The following USP12 variants were observed in gnomAD, a reference collection of about 807,000 sequenced individuals.
The protein encoded by USP12 is ubiquitin carboxyl-terminal hydrolase 12.
In USP12, 19 loss-of-function variants were observed where a neutral mutation model predicts 45.5. The ratio of observed to expected loss-of-function variants is 0.42; its 90% CI spans 0.29 to 0.61. The LOEUF (loss-of-function observed/expected upper bound fraction) is 0.61. USP12 is among the 20% of genes least tolerant of loss of function. The probability of loss-of-function intolerance (pLI) is 0.22; values close to 1 mark genes in which losing one functional copy is unlikely to be tolerated. For synonymous variants in USP12, 149 were observed against 148.8 expected, an observed-to-expected ratio of 1.00 and a Z score of -0.01; for missense variants, 242 against 447.7, an observed-to-expected ratio of 0.54 and a Z score of 4.15.
Position 27,106,082 on chromosome 13 carries a change from T to C in USP12, c.130-138A>G, listed in dbSNP as rs116478935. 8.4e-4 allele frequency: 571 copies of C among 682,940 alleles called. 4 individuals are homozygous for C. In the African/African-American group the frequency reaches 9.0e-3, roughly 11 times the overall value. 42.3% of individuals were successfully genotyped at this position (682,940 alleles called of 1,614,324 possible). ...CTATAACACTGACTGCATTATATTA[T>C]ACATTTTAAAATACAACTCTCAAAA... On this transcript the variant is annotated intron_variant, in intron 2 of 8. Coordinates refer to ENST00000282344, the MANE Select transcript of USP12 (RefSeq NM_182488.4).
At chr13:27,086,876 A>C (rs1308557175) in intron 6 of USP12, among the ~76,000 whole-genome samples, 1 of 152,206 alleles carries the variant, frequency 6.6e-6, no homozygotes, top group African/African-American at 2.4e-5. Context: ...ATATGCACTA[A>C]TGGACAGAAA....
intron 1 of USP12, among the ~76,000 whole-genome samples, chr13:27,139,772 C>A (rs1358617025): frequency 6.6e-6 from 1 of 152,170 alleles, no homozygotes; most frequent in Non-Finnish European, 1.5e-5. Context: ...CTCACCTAGA[C>A]TGATTCACAT....
In USP12 at chr13:27,069,438, T is replaced by C. The variant is rs1873138048; in HGVS notation, c.1012-54A>G. On this transcript the variant is annotated intron_variant, in intron 8 of 8. Coordinates refer to ENST00000282344, the MANE Select transcript of USP12 (RefSeq NM_182488.4). ...ATAAATGAGCTCTGTACAGCCAGAA[T>C]GGCTTAAATTTAAAAGACTGACAAT... 32 of 1,321,304 alleles carry C rather than the reference T, an allele frequency of 2.4e-5. No individual in the cohort carries two copies. In the South Asian group the frequency reaches 3.8e-4, roughly 16 times the overall value. 81.8% of individuals were successfully genotyped at this position (1,321,304 alleles called of 1,614,324 possible).
intron 1 of USP12, among the ~76,000 whole-genome samples, chr13:27,164,452 G>T (rs186830144): frequency 1.3e-5 from 2 of 152,212 alleles, no homozygotes; most frequent in Non-Finnish European, 2.9e-5. Flanking sequence ...TGAAAGAGAA[G>T]CAGCAGCAAA....
intron 3 of USP12, among the ~76,000 whole-genome samples, chr13:27,104,041 CT>C (rs979518969): frequency 6.6e-6 from 1 of 150,676 alleles, no homozygotes. Flanking sequence ...CTTCTGAACT[CT>C]TTTTTTTTAG....
intron 1 of USP12, among the ~76,000 whole-genome samples, chr13:27,160,429 T>G (rs1878051579): frequency 6.9e-6 from 1 of 145,886 alleles, no homozygotes; most frequent in South Asian, 2.1e-4. Flanking sequence ...CTCCTCAAAT[T>G]GAAAAAAAAA....
chr13:27,075,263 A>C lies in USP12; in HGVS notation c.860T>G (p.Phe287Cys). 1 of 1,614,086 alleles carries C rather than the reference A, an allele frequency of 6.2e-7. No homozygotes were observed. The highest frequency in any genetic ancestry group is 8.5e-7 in the Non-Finnish European group (1 of 1,179,948). Residue 287 changes from phenylalanine (F) to cysteine (C), a missense_variant, in exon 7 of 9, where the codon TTT becomes TGT. By Grantham distance (205) the Phe-to-Cys change is radical. Around this residue, in one of 5 missense-constraint regions of USP12, gnomAD observed 94 missense variants for 168.3 expected, o/e 0.56. Transcript: ENST00000282344. ...RVVFPLELRL[F>C]NTSGDATNPD... ...ATTGGTGGCATCACCTGAAGTGTTA[A>C]ACAGACGAAGTTCTAAAGGAAAAAC...
At chr13:27,116,327 A>AG (rs1464838583) in intron 2 of USP12, among the ~76,000 whole-genome samples, 189 bp downstream of exon 2, 1 of 151,890 alleles carries the variant, frequency 6.6e-6, no homozygotes, top group East Asian at 1.9e-4. Flanking sequence ...AAAAAAAAAA[A>AG]AAAAAAGATG....
chr13:27,137,356 A>G (rs924750367), intron 1 of USP12, among the ~76,000 whole-genome samples: 1 of 152,200 alleles, frequency 6.6e-6, no homozygotes, highest in African/African-American at 2.4e-5. Context: ...CGCTTTATAA[A>G]AAGACTCAGT....
At chr13:27,102,026 T>C (rs1369565228) in intron 3 of USP12, among the ~76,000 whole-genome samples, 1 of 152,012 alleles carries the variant, frequency 6.6e-6, no homozygotes, top group South Asian at 2.1e-4. Flanking sequence ...AATGAATGAA[T>C]GAATGAATGA....
chr13:27,084,473 T>C (rs1232342494), intron 6 of USP12, among the ~76,000 whole-genome samples: 1 of 132,446 alleles, frequency 7.6e-6, no homozygotes, highest in Admixed American at 8.6e-5. Flanking sequence ...GCCACTGCAC[T>C]CCAGCCTGGA....
At chr13:27,075,533 AATTATTTTT>A (rs1248310719) in intron 6 of USP12, 145 bp from the exon 7 acceptor site, 1 of 709,024 alleles carries the variant, frequency 1.4e-6, no homozygotes, top group Non-Finnish European at 2.3e-6. Context: ...CATTTCTATC[AATTATTTTT>A]ATACTGACAA....
intron 1 of USP12, among the ~76,000 whole-genome samples, chr13:27,165,606 A>T (rs1235077736): frequency 6.6e-6 from 1 of 152,190 alleles, no homozygotes; most frequent in East Asian, 1.9e-4. Flanking sequence ...AGGTACAGAG[A>T]AGTAACTTGT....
At chr13:27,088,754 G>C (rs915864342) in intron 6 of USP12, among the ~76,000 whole-genome samples, 6 of 152,150 alleles carry the variant, frequency 3.9e-5, no homozygotes, top group African/African-American at 1.4e-4. Flanking sequence ...ACTTCTGGGT[G>C]CTTGCCTGGC....
At chr13:27,146,458 G>T (rs1593207467) in intron 1 of USP12, among the ~76,000 whole-genome samples, 1 of 152,154 alleles carries the variant, frequency 6.6e-6, no homozygotes, top group East Asian at 1.9e-4. Flanking sequence ...TATAAGGTAG[G>T]GAGAGGAGTG....
intron 3 of USP12, among the ~76,000 whole-genome samples, chr13:27,100,294 A>G (rs892737515): frequency 6.6e-6 from 1 of 152,110 alleles, no homozygotes; most frequent in Non-Finnish European, 1.5e-5. Flanking sequence ...TGCTTATTGC[A>G]CCTTATTTCC....
chr13:27,080,321 T>A (rs567807901), intron 6 of USP12, among the ~76,000 whole-genome samples: 1 of 152,220 alleles, frequency 6.6e-6, no homozygotes, highest in African/African-American at 2.4e-5. Context: ...CTACACAAGT[T>A]ACCATTACTG....
intron 6 of USP12, 143 bp from the exon 7 acceptor site, chr13:27,075,531 T>A: frequency 1.4e-6 from 1 of 720,558 alleles, no homozygotes; most frequent in Admixed American, 2.9e-5. Flanking sequence ...CACATTTCTA[T>A]CAATTATTTT....
At chr13:27,072,763 T>C (rs1356797475) in intron 7 of USP12, among the ~76,000 whole-genome samples, 1 of 152,114 alleles carries the variant, frequency 6.6e-6, no homozygotes, top group Non-Finnish European at 1.5e-5. Context: ...AGGGTAATAC[T>C]TAAGTCAACA....
Sources: gnomAD v4.1 joint callset for allele counts (sites outside exome capture counted in the v4.1 genomes callset) on GRCh38, gnomAD v4.1.1 for gene constraint, gnomAD v4.1.1 regional missense constraint, MANE v1.5 for transcripts, NCBI Gene and HGNC (gene_info 2026-07-23, HGNC 2026-07-21) for gene names.